BICC1: variants seen among roughly 807,000 people sequenced by gnomAD.
The protein encoded by BICC1 is BicC family RNA binding protein 1, also known as protein bicaudal C homolog 1.
A neutral mutation model predicts 111.0 loss-of-function variants in BICC1; 43 were observed. The ratio of observed to expected loss-of-function variants is 0.39; its 90% CI spans 0.30 to 0.50. The LOEUF is 0.50. Ranked by LOEUF, BICC1 falls within the 20% of genes least tolerant of loss-of-function variation. The pLI is 0.88. For synonymous variants in BICC1, 467 were observed against 434.4 expected (o/e 1.07, Z -0.93); for missense variants, 1,091 against 1,203.2 (o/e 0.91, Z 1.38).
chr10:58,658,423 A>G (rs1434363198), intron 2 of BICC1, among the ~76,000 whole-genome samples: 1 of 152,010 alleles, frequency 6.6e-6, no homozygotes, highest in Non-Finnish European at 1.5e-5. Flanking sequence ...TCCTGATCTC[A>G]GTGATCCACC....
In BICC1 at chr10:58,799,145, C is replaced by G. The variant is rs1843454871; in HGVS notation, c.1618C>G (p.His540Asp). ...ILLSGVPTYG[H>D]TAPSPPPGLT... ...GTTGTCTGGAGTGCCCACCTATGGGCACACAGCTCCATCTCCCCCTCCTGG... is the reference window on the plus strand; with the variant it reads ...GTTGTCTGGAGTGCCCACCTATGGGGACACAGCTCCATCTCCCCCTCCTGG... Residue 540 changes from histidine (H) to aspartate (D), a missense_variant, in exon 12 of 21, where the codon CAC becomes GAC. His to Asp is a moderately conservative substitution (Grantham distance 81, BLOSUM62 -1). Transcript: ENST00000373886. 1.2e-6 allele frequency: 2 copies of G among 1,613,820 alleles called. No homozygotes were observed.
intron 2 of BICC1, among the ~76,000 whole-genome samples, chr10:58,651,937 G>A (rs1838462029): frequency 6.6e-6 from 1 of 152,106 alleles, no homozygotes; most frequent in African/African-American, 2.4e-5. Context: ...GAAAAGTCAT[G>A]TTAATTGCTC....
intron 17 of BICC1, among the ~76,000 whole-genome samples, chr10:58,812,076 G>C (rs964553358): frequency 6.6e-6 from 1 of 152,160 alleles, no homozygotes; most frequent in African/African-American, 2.4e-5. Context: ...TGCATTTTAA[G>C]AAATCAGTCT....
intron 3 of BICC1, among the ~76,000 whole-genome samples, chr10:58,755,327 A>C (rs952749334): frequency 6.6e-6 from 1 of 152,200 alleles, no homozygotes; most frequent in Non-Finnish European, 1.5e-5. Context: ...CCTTAGGGGA[A>C]AGGCTACAGC....
intron 2 of BICC1, among the ~76,000 whole-genome samples, chr10:58,658,277 A>G (rs776815769): frequency 6.6e-5 from 10 of 152,062 alleles, no homozygotes; most frequent in Non-Finnish European, 1.5e-4. Context: ...AGCCTCTGCC[A>G]TCTGAGTTTA....
intron 1 of BICC1, among the ~76,000 whole-genome samples, chr10:58,517,545 T>C (rs1440103251): frequency 6.6e-6 from 1 of 152,150 alleles, no homozygotes; most frequent in Non-Finnish European, 1.5e-5. Flanking sequence ...AAAGTGAAGA[T>C]AAAGAGTAAA....
chr10:58,719,336 G>A (rs1337215329), intron 3 of BICC1, among the ~76,000 whole-genome samples: 1 of 152,162 alleles, frequency 6.6e-6, no homozygotes, highest in Non-Finnish European at 1.5e-5. Context: ...TGTCTGCTAT[G>A]GAAGGGCATC....
intron 3 of BICC1, among the ~76,000 whole-genome samples, chr10:58,783,238 G>T (rs966869912): frequency 1.3e-5 from 2 of 152,230 alleles, no homozygotes; most frequent in African/African-American, 4.8e-5. Flanking sequence ...CTCAAATTAG[G>T]CACAGCTGCT....
At position 58,797,889 on chromosome 10, in the gene BICC1, G is replaced by A. The variant is rs540848936; in HGVS notation, c.1367-510G>A. On this transcript the variant is annotated intron_variant, in intron 10 of 20. Coordinates refer to ENST00000373886, the MANE Select transcript of BICC1 (RefSeq NM_001080512.3). ...TTGAGATGGAGCCCAGGGAAGTCATGTATATGTTTTGAGATACATTTAGGA... is the reference window on the plus strand; with the variant it reads ...TTGAGATGGAGCCCAGGGAAGTCATATATATGTTTTGAGATACATTTAGGA... 5.3e-5 allele frequency among the ~76,000 whole-genome samples: 8 copies of A among 152,264 alleles called. No individual in the cohort carries two copies. The South Asian group carries it at 8.3e-4, about 16-fold the overall frequency.
intron 19 of BICC1, 79 bp from the exon 20 acceptor site, chr10:58,820,290 T>C: frequency 6.5e-6 from 6 of 920,802 alleles, no homozygotes; most frequent in Non-Finnish European, 6.9e-6. Context: ...TAAATAAGTG[T>C]GACAACAAGT....
rs147052030 is a variant in BICC1, at chr10:58,813,894, A to G, written c.2441A>G (p.Asp814Gly). ...REHLGGGSES[D>G]NWRDRNGIGP... ...CACTTGGGAGGTGGAAGCGAATCTGATAACTGGAGAGACCGAAATGGAATT... is the reference window on the plus strand; with the variant it reads ...CACTTGGGAGGTGGAAGCGAATCTGGTAACTGGAGAGACCGAAATGGAATT... Residue 814 changes from aspartate to glycine, a missense_variant, in exon 18 of 21, where the codon GAT (aspartate) becomes GGT (glycine). Physicochemically the swap from Asp to Gly is moderately conservative, Grantham distance 94. Transcript: ENST00000373886. 6.2e-7 allele frequency: 1 copy of G among 1,614,036 alleles called. No homozygotes were observed. Among genetic ancestry groups the G allele is most frequent in the South Asian group, 1.1e-5 (1 of 91,080 alleles).
At chr10:58,765,077 TTTTTG>T (rs570222849) in intron 3 of BICC1, among the ~76,000 whole-genome samples, 138 of 152,222 alleles carry the variant, frequency 9.1e-4, no homozygotes, top group Non-Finnish European at 1.4e-3. Context: ...TTTGTTTGTT[TTTTTG>T]TTTTGTTTTG....
At chr10:58,513,415 C>A (rs1259686464) in intron 1 of BICC1, 82 bp downstream of exon 1, 1 of 1,333,728 alleles carries the variant, frequency 7.5e-7, no homozygotes, top group Admixed American at 2.7e-5. Flanking sequence ...CTCCGGCGCC[C>A]GCTACTCCAG....
At chr10:58,628,373 A>G (rs1421883285) in intron 2 of BICC1, among the ~76,000 whole-genome samples, 1 of 152,232 alleles carries the variant, frequency 6.6e-6, no homozygotes, top group Admixed American at 6.5e-5. Flanking sequence ...TAACAGTTAT[A>G]AAGACAGAAC....
chr10:58,590,491 G>T (rs1844578101), intron 1 of BICC1, among the ~76,000 whole-genome samples: 1 of 152,120 alleles, frequency 6.6e-6, no homozygotes, highest in Non-Finnish European at 1.5e-5. Context: ...GAGAATTTTG[G>T]TGCTTTCAGT....
chr10:58,548,022 G>A (rs1843186732), intron 1 of BICC1, among the ~76,000 whole-genome samples: 1 of 152,174 alleles, frequency 6.6e-6, no homozygotes, highest in South Asian at 2.1e-4. Flanking sequence ...TCTTTCAGCT[G>A]ACAGAGCAAG....
At chr10:58,554,002 C>T (rs1843372170) in intron 1 of BICC1, among the ~76,000 whole-genome samples, 2 of 152,032 alleles carry the variant, frequency 1.3e-5, no homozygotes, top group South Asian at 4.1e-4. Context: ...TCAATTTATA[C>T]TATTTGGATT....
chr10:58,573,477 C>T (rs927994621), intron 1 of BICC1, among the ~76,000 whole-genome samples: 4 of 152,106 alleles, frequency 2.6e-5, no homozygotes. Flanking sequence ...AGAGGTTTTG[C>T]TAATGCTCCT....
At chr10:58,683,990 A>G (rs1402123914) in intron 2 of BICC1, among the ~76,000 whole-genome samples, 1 of 152,208 alleles carries the variant, frequency 6.6e-6, no homozygotes, top group Non-Finnish European at 1.5e-5. Flanking sequence ...TTGCCCATTC[A>G]GTATAAAATT....
Sources: gnomAD v4.1 joint callset for allele counts (sites outside exome capture counted in the v4.1 genomes callset) on GRCh38, gnomAD v4.1.1 for gene constraint, MANE v1.5 for transcripts, NCBI Gene and HGNC (gene_info 2026-07-23, HGNC 2026-07-21) for gene names.